LRRC8C: variants seen among roughly 807,000 people sequenced by gnomAD.
LRRC8C encodes leucine rich repeat containing 8 VRAC subunit C.
Under a neutral mutation model 55.3 loss-of-function variants are expected in LRRC8C, and 20 were observed. The observed-to-expected ratio is 0.36, with a 90% CI of 0.25 to 0.53. The LOEUF (loss-of-function observed/expected upper bound fraction) is 0.53. LRRC8C is among the 20% of genes least tolerant of loss of function. The probability of loss-of-function intolerance (pLI) is 0.92; values close to 1 mark genes in which losing one functional copy is unlikely to be tolerated. For synonymous variants in LRRC8C, 376 were observed against 360.7 expected (o/e 1.04, Z -0.48); for missense variants, 659 against 951.4 (o/e 0.69, Z 4.04).
At chr1:89,623,731 A>AG in the LRRC8C span, among the ~76,000 whole-genome samples, 1 of 152,184 alleles carries the variant, frequency 6.6e-6, no homozygotes, top group African/African-American at 2.4e-5. Flanking sequence ...CAAAAAAAAA[A>AG]GAAAAATGCC....
chr1:89,699,581 G>A (rs1366403915), intron 2 of LRRC8C, among the ~76,000 whole-genome samples: 1 of 152,192 alleles, frequency 6.6e-6, no homozygotes, highest in Non-Finnish European at 1.5e-5. Context: ...AAGAAAAGAA[G>A]AGAGCATGTG....
At chr1:89,666,980 G>A in intron 1 of LRRC8C, among the ~76,000 whole-genome samples, 1 of 152,098 alleles carries the variant, frequency 6.6e-6, no homozygotes, top group Non-Finnish European at 1.5e-5. Context: ...GAATGAAAAA[G>A]GGAGTGCTGG....
At chr1:89,643,123 G>A (rs1008001680) in intron 1 of LRRC8C, among the ~76,000 whole-genome samples, 1 of 151,982 alleles carries the variant, frequency 6.6e-6, no homozygotes, top group African/African-American at 2.4e-5. Flanking sequence ...ACAGGGCCTT[G>A]CTCTGTCATC....
chr1:89,636,543 C>T (rs1300014021), intron 1 of LRRC8C, among the ~76,000 whole-genome samples: 2 of 151,948 alleles, frequency 1.3e-5, no homozygotes, highest in Non-Finnish European at 2.9e-5. Flanking sequence ...ACATACTTTC[C>T]TTTTTTCTGC....
upstream of LRRC8C, among the ~76,000 whole-genome samples, chr1:89,631,003 A>C (rs568225373): frequency 1.3e-5 from 2 of 152,248 alleles, no homozygotes; most frequent in Admixed American, 6.5e-5. Flanking sequence ...AGAGTAGCCA[A>C]AAGTATTGCA....
At chr1:89,703,233 C>G (rs1340129195) in intron 2 of LRRC8C, among the ~76,000 whole-genome samples, 1 of 152,100 alleles carries the variant, frequency 6.6e-6, no homozygotes, top group African/African-American at 2.4e-5. Context: ...ATAACACAAA[C>G]TGACAGCAAG....
chr1:89,639,680 T>TACA (rs1656401555), intron 1 of LRRC8C, among the ~76,000 whole-genome samples: 1 of 152,282 alleles, frequency 6.6e-6, no homozygotes, highest in African/African-American at 2.4e-5. Flanking sequence ...AGGCCATATC[T>TACA]GTCTTGTTCA....
rs1206487755 is a variant in LRRC8C at position 89,659,051 on chromosome 1, TTTTTTTTTTTTGTGTG to T, written c.-5+25731_-5+25746del. On this transcript the variant is annotated intron_variant, in intron 1 of 2. Transcript: ENST00000370454. ...TTTTAGGTTGTGTCTTCTCCAGGTT[TTTTTTTTTTTTGTGTG>T]TGTGTGTGTGTGTGTGTGTGTGTGT... 2.3e-4 allele frequency among the ~76,000 whole-genome samples: 8 copies of T among 35,434 alleles called. 1 individual carries two copies. Among genetic ancestry groups the T allele is most frequent in the Non-Finnish European group, 5.4e-4 (8 of 14,768 alleles). The allele number at this position is 35,434 out of a possible 152,430, so 23.2% of individuals were successfully genotyped here.
chr1:89,638,296 C>A (rs987240587), intron 1 of LRRC8C, among the ~76,000 whole-genome samples: 4 of 152,198 alleles, frequency 2.6e-5, no homozygotes, highest in Non-Finnish European at 5.9e-5. Flanking sequence ...GAGCTAATTT[C>A]ATTTCTCAAC....
chr1:89,648,262 AT>A (rs1316252047), intron 1 of LRRC8C, among the ~76,000 whole-genome samples: 1 of 152,214 alleles, frequency 6.6e-6, no homozygotes, highest in Admixed American at 6.5e-5. Context: ...ATTATCTAAA[AT>A]TGCAATTTAA....
intron 2 of LRRC8C, among the ~76,000 whole-genome samples, chr1:89,711,522 C>T (rs1038847982): frequency 1.3e-5 from 2 of 152,196 alleles, no homozygotes; most frequent in Admixed American, 6.5e-5. Context: ...TTGCTGAATA[C>T]TCTTTGGTTA....
chr1:89,719,079 G>A lies in LRRC8C; in HGVS notation c.*4097G>A, dbSNP rs769608488. On this transcript the variant is annotated 3_prime_UTR_variant, in exon 3 of 3. Coordinates refer to ENST00000370454, the MANE Select transcript of LRRC8C (RefSeq NM_032270.5). The stretch of plus-strand genomic sequence containing the variant: ...CCAAAGTCACTCACCGATAAAGGTA[G>A]CATCCTTAAGTTCATTTTTGAAAGG... 2 of 152,132 alleles carry A rather than the reference G, an allele frequency of 1.3e-5. No homozygotes were observed. The highest frequency in any genetic ancestry group is 2.9e-5 in the Non-Finnish European group (2 of 68,016). 9.4% of individuals were successfully genotyped at this position (152,132 alleles called of 1,614,324 possible). A position where few individuals can be genotyped will look rare whatever the true frequency, so the allele number is the denominator to read the frequency against.
Position 89,680,077 on chromosome 1 carries a change from CT to C in LRRC8C, c.-4-6379del, listed in dbSNP as rs534159163. On this transcript the variant is annotated intron_variant, in intron 1 of 2. Coordinates refer to ENST00000370454, the MANE Select transcript of LRRC8C (RefSeq NM_032270.5). ...GTTTGTACCTAACTTTACCAATATT[CT>C]TTTTTTTTTTTTTGAGATGGAGTCT... Among the ~76,000 whole-genome samples the C allele has an allele frequency of 1.5e-3, 215 of 142,794 alleles. 1 individual carries two copies. The highest frequency in any genetic ancestry group is 2.2e-3 in the Admixed American group (32 of 14,296). 93.7% of individuals were successfully genotyped at this position (142,794 alleles called of 152,430 possible).
chr1:89,696,140 T>TAA (rs1490153746), intron 2 of LRRC8C, among the ~76,000 whole-genome samples: 4 of 152,196 alleles, frequency 2.6e-5, no homozygotes, highest in African/African-American at 9.7e-5. Context: ...CCAAATGCCC[T>TAA]AATTCTGATA....
the LRRC8C span, among the ~76,000 whole-genome samples, chr1:89,624,527 G>T: frequency 1.3e-5 from 2 of 152,188 alleles, no homozygotes; most frequent in African/African-American, 4.8e-5. Flanking sequence ...GAACAAAGCT[G>T]CACTATTACC....
chr1:89,715,694 C>T lies in LRRC8C; in HGVS notation c.*712C>T, dbSNP rs541837234. 1 of 152,126 alleles carries T rather than the reference C, an allele frequency of 6.6e-6. No individual in the cohort carries two copies. Among genetic ancestry groups the T allele is most frequent in the Admixed American group, 6.6e-5 (1 of 15,266 alleles). 9.4% of individuals were successfully genotyped at this position (152,126 alleles called of 1,614,324 possible). On this transcript the variant is annotated 3_prime_UTR_variant, in exon 3 of 3. Transcript: ENST00000370454. Reference sequence around the variant, plus strand: ...TATTTAAAACCTAAATACAGAGGCTCCTCCCACCTTAATCTCAATACTGCT... The same window carrying T: ...TATTTAAAACCTAAATACAGAGGCTTCTCCCACCTTAATCTCAATACTGCT...
intron 1 of LRRC8C, 105 bp from the exon 2 acceptor site, chr1:89,686,365 A>T: frequency 8.6e-7 from 1 of 1,167,600 alleles, no homozygotes; most frequent in South Asian, 1.4e-5. Flanking sequence ...CAGCTCTTGA[A>T]CTAATTCAGA....
In LRRC8C at chr1:89,716,346, C is replaced by T. The variant is rs957701871; in HGVS notation, c.*1364C>T. 1.3e-5 allele frequency: 2 copies of T among 152,156 alleles called. No individual in the cohort carries two copies. The highest frequency in any genetic ancestry group is 3.9e-4 in the East Asian group (2 of 5,190). The allele number at this position is 152,156 out of a possible 1,614,324, so 9.4% of individuals were successfully genotyped here. A position where few individuals can be genotyped will look rare whatever the true frequency, so the allele number is the denominator to read the frequency against. On this transcript the variant is annotated 3_prime_UTR_variant, in exon 3 of 3. Transcript: ENST00000370454. ...GATGACTGGATATTAATCGATTTCCCTCAAGCCTGCCCTTGCTGTGAACTA... is the reference window on the plus strand; with the variant it reads ...GATGACTGGATATTAATCGATTTCCTTCAAGCCTGCCCTTGCTGTGAACTA...
rs144015262 is a variant in LRRC8C, at chr1:89,678,403, A to G, written c.-4-8067A>G. 3.3e-5 allele frequency among the ~76,000 whole-genome samples: 5 copies of G among 152,346 alleles called. No individual in the cohort carries two copies. In the East Asian group the frequency reaches 9.6e-4, roughly 29 times the overall value. On this transcript the variant is annotated intron_variant, in intron 1 of 2. Transcript: ENST00000370454. The stretch of plus-strand genomic sequence containing the variant: ...ATTCTTGTGGAAGTAGAGATGCAAT[A>G]CATCAAGAAACACAAGGCCGGGCAT...
Sources: gnomAD v4.1 joint callset for allele counts (sites outside exome capture counted in the v4.1 genomes callset) on GRCh38, gnomAD v4.1.1 for gene constraint, MANE v1.5 for transcripts, NCBI Gene and HGNC (gene_info 2026-07-23, HGNC 2026-07-21) for gene names.